Variants in TTC23L observed in about 807,000 individuals in gnomAD.
TTC23L encodes the protein tetratricopeptide repeat protein 23-like.
TTC23L carries 42 observed loss-of-function variants against 48.1 expected under a neutral mutation model. The ratio of observed to expected loss-of-function variants is 0.87; its 90% confidence interval spans 0.68 to 1.13. TTC23L has a LOEUF of 1.13. TTC23L is among the 50% of genes most tolerant of loss of function. TTC23L has a pLI of 0.00. For missense variants in TTC23L, 391 were observed against 421.0 expected (o/e 0.93, Z 0.62); for synonymous variants, 159 against 157.2 (o/e 1.01, Z -0.09).
downstream of TTC23L, among the ~76,000 whole-genome samples, chr5:34,900,725 A>C (rs544623243): frequency 6.6e-6 from 1 of 152,340 alleles, no homozygotes; most frequent in East Asian, 1.9e-4. Flanking sequence ...GTGGCACTTC[A>C]TATGGGTCCC....
intron 9 of TTC23L, among the ~76,000 whole-genome samples, chr5:34,889,258 A>G (rs1362131155): frequency 6.6e-6 from 1 of 152,146 alleles, no homozygotes; most frequent in Non-Finnish European, 1.5e-5. Context: ...CATTTAACAG[A>G]AGGGAGCTTG....
At chr5:34,911,599 C>T in the TTC23L span, 8 of 1,614,068 alleles carry the variant, frequency 5.0e-6, no homozygotes, top group Non-Finnish European at 6.8e-6. Flanking sequence ...TAGGACTTCA[C>T]TCGTCATATC....
intron 7 of TTC23L, 39 bp from the exon 8 acceptor site, chr5:34,868,866 C>A: frequency 6.5e-7 from 1 of 1,538,492 alleles, no homozygotes; most frequent in Non-Finnish European, 8.8e-7. Context: ...TGAACACTGT[C>A]ATTGGGTGCT....
At chr5:34,850,992 T>C (rs1198909448) in intron 4 of TTC23L, among the ~76,000 whole-genome samples, 1 of 152,196 alleles carries the variant, frequency 6.6e-6, no homozygotes, top group African/African-American at 2.4e-5. Flanking sequence ...TGACCAGCCA[T>C]GTCCCCCTGT....
At chr5:34,882,044 G>A (rs1433094773) in intron 9 of TTC23L, among the ~76,000 whole-genome samples, 2 of 152,152 alleles carry the variant, frequency 1.3e-5, no homozygotes, top group Non-Finnish European at 2.9e-5. Flanking sequence ...GTGAGCCACA[G>A]CACCCGGCCG....
At chr5:34,923,407 AG>A in the TTC23L span, 2 of 598,348 alleles carry the variant, frequency 3.3e-6, no homozygotes, top group Admixed American at 5.8e-5. Flanking sequence ...TCTCCTGAGT[AG>A]CTGGGATTAC....
downstream of TTC23L, among the ~76,000 whole-genome samples, chr5:34,899,917 A>C (rs553505983): frequency 3.3e-4 from 50 of 152,176 alleles, no homozygotes; most frequent in African/African-American, 3.6e-4. Flanking sequence ...ACAAACAAAC[A>C]AACCCAACTA....
chr5:34,923,228 C>T, the TTC23L span: 2 of 1,603,746 alleles, frequency 1.2e-6, no homozygotes, highest in Admixed American at 3.3e-5. Flanking sequence ...GGTTTCGGAA[C>T]TTTCAGGTAA....
chr5:34,872,120 A>T (rs946991776), intron 8 of TTC23L, among the ~76,000 whole-genome samples: 12 of 150,524 alleles, frequency 8.0e-5, no homozygotes, highest in African/African-American at 2.9e-4. Flanking sequence ...TCTACCACAA[A>T]AAAAAAAAAA....
the TTC23L span, chr5:34,906,979 C>A: frequency 1.3e-5 from 2 of 152,094 alleles, no homozygotes; most frequent in South Asian, 4.1e-4. Context: ...TTCTTGAATA[C>A]AAACATTTTA....
At chr5:34,914,488 G>A in the TTC23L span, 2 of 583,568 alleles carry the variant, frequency 3.4e-6, no homozygotes, top group South Asian at 2.2e-5. Context: ...GATGGGAAAA[G>A]AATTTGTTAC....
chr5:34,875,980 A>T (rs1206093038), intron 8 of TTC23L, among the ~76,000 whole-genome samples: 1 of 152,238 alleles, frequency 6.6e-6, no homozygotes, highest in Non-Finnish European at 1.5e-5. Context: ...AATAACAGAA[A>T]GATACCTAGA....
exon 6 of TTC23L, chr5:34,864,557 G>A: frequency 6.2e-7 from 1 of 1,612,540 alleles, no homozygotes; most frequent in African/African-American, 1.3e-5. Context: ...CACTTGCTTT[G>A]GGCAGGTAAG....
chr5:34,845,920 G>C (rs1759081244), intron 3 of TTC23L, among the ~76,000 whole-genome samples: 1 of 152,134 alleles, frequency 6.6e-6, no homozygotes, highest in Non-Finnish European at 1.5e-5. Context: ...AATTAGGCCA[G>C]GTGCAGTGGC....
intron 9 of TTC23L, among the ~76,000 whole-genome samples, chr5:34,892,069 A>G (rs546318328): frequency 6.6e-6 from 1 of 152,350 alleles, no homozygotes; most frequent in South Asian, 2.1e-4. Flanking sequence ...GAGCAAAACC[A>G]TGGGGGTAAC....
At chr5:34,913,855 T>A in the TTC23L span, 1 of 482,550 alleles carries the variant, frequency 2.1e-6, no homozygotes. Flanking sequence ...AATGACTTGA[T>A]AATGCATGAG....
intron 3 of TTC23L, among the ~76,000 whole-genome samples, chr5:34,846,927 G>C (rs1161855676): frequency 6.6e-6 from 1 of 152,040 alleles, no homozygotes; most frequent in African/African-American, 2.4e-5. Flanking sequence ...GCATTTCTAA[G>C]AGCAAGTCAA....
intron 9 of TTC23L, among the ~76,000 whole-genome samples, chr5:34,881,276 T>C (rs1437648270): frequency 6.6e-6 from 1 of 152,248 alleles, no homozygotes; most frequent in East Asian, 1.9e-4. Flanking sequence ...CTTGATCTGA[T>C]AGGTTTTTAT....
chr5:34,887,839 T>A (rs1352612513), intron 9 of TTC23L, among the ~76,000 whole-genome samples: 1 of 152,168 alleles, frequency 6.6e-6, no homozygotes, highest in Non-Finnish European at 1.5e-5. Flanking sequence ...AAGACAAATG[T>A]TCTGAAATAA....
Sources: allele counts gnomAD v4.1 joint callset (sites outside exome capture counted in the v4.1 genomes callset), GRCh38; gene constraint gnomAD v4.1.1; transcripts MANE v1.5; gene names NCBI Gene and HGNC (gene_info 2026-07-23, HGNC 2026-07-21).